Variants in ACVR1 observed in about 807,000 individuals in gnomAD.
ACVR1 encodes activin A receptor type 1, also known as activin receptor type-1.
In ACVR1, 38 loss-of-function variants were observed where a neutral mutation model predicts 57.1. The ratio of observed to expected loss-of-function variants is 0.67; its 90% CI spans 0.51 to 0.87. The LOEUF (loss-of-function observed/expected upper bound fraction) is 0.87. ACVR1 is among the 40% of genes least tolerant of loss of function. The pLI, the probability that ACVR1 is intolerant of heterozygous loss-of-function variation, is 0.00. For missense variants in ACVR1, 463 were observed against 638.2 expected (o/e 0.73, Z 2.96); for synonymous variants, 212 against 228.1 (o/e 0.93, Z 0.63).
chr2:157,797,820 C>T (rs1055336315), intron 3 of ACVR1, among the ~76,000 whole-genome samples: 2 of 152,060 alleles, frequency 1.3e-5, no homozygotes, highest in Non-Finnish European at 1.5e-5. Flanking sequence ...AAAATTCATG[C>T]GAGTATCTTA....
intron 1 of ACVR1, among the ~76,000 whole-genome samples, chr2:157,830,752 T>C (rs1306333972): frequency 2.3e-5 from 3 of 130,894 alleles, no homozygotes; most frequent in Non-Finnish European, 5.0e-5. Context: ...AAAAAAAAAA[T>C]GTAATTTTTT....
chr2:157,813,426 T>A (rs1300530136), intron 2 of ACVR1, among the ~76,000 whole-genome samples: 1 of 152,240 alleles, frequency 6.6e-6, no homozygotes. Context: ...TCCTTCTTCT[T>A]GGGTACAAGG....
chr2:157,795,736 AT>A (rs1265280969), intron 3 of ACVR1, among the ~76,000 whole-genome samples: 9 of 152,120 alleles, frequency 5.9e-5, no homozygotes, highest in Non-Finnish European at 7.4e-5. Flanking sequence ...TGAAAGCAGG[AT>A]TAAAAAAAAA....
chr2:157,820,754 T>C (rs1688134503), intron 1 of ACVR1, among the ~76,000 whole-genome samples: 1 of 152,148 alleles, frequency 6.6e-6, no homozygotes, highest in Admixed American at 6.5e-5. Flanking sequence ...TCCCCTGGTA[T>C]TTATATTCTA....
At chr2:157,860,927 G>C (rs970767520) in intron 1 of ACVR1, among the ~76,000 whole-genome samples, 1 of 152,178 alleles carries the variant, frequency 6.6e-6, no homozygotes, top group African/African-American at 2.4e-5. Flanking sequence ...AGGTAAGCCT[G>C]AGACTCTGTG....
intron 5 of ACVR1, 95 bp downstream of exon 5, chr2:157,778,036 T>A: frequency 7.8e-7 from 1 of 1,288,120 alleles, no homozygotes; most frequent in Non-Finnish European, 1.1e-6. Context: ...CACTGTTCAG[T>A]CACTCATTAC....
intron 2 of ACVR1, among the ~76,000 whole-genome samples, chr2:157,801,973 C>T (rs577689471): frequency 2.6e-5 from 4 of 152,196 alleles, no homozygotes; most frequent in South Asian, 4.1e-4. Flanking sequence ...TCCTTGCTAT[C>T]GTGGCACTTA....
At chr2:157,874,647 T>A (rs1473387069) in intron 1 of ACVR1, among the ~76,000 whole-genome samples, 1 of 152,160 alleles carries the variant, frequency 6.6e-6, no homozygotes, top group East Asian at 1.9e-4. Context: ...GGTGTCTATT[T>A]TTTGCCACCG....
intron 1 of ACVR1, among the ~76,000 whole-genome samples, chr2:157,870,931 C>T (rs960384472): frequency 1.3e-5 from 2 of 152,200 alleles, no homozygotes; most frequent in African/African-American, 4.8e-5. Flanking sequence ...TCAGCAATCT[C>T]CCTGGTTCCC....
chr2:157,836,884 A>G (rs1227903205), intron 1 of ACVR1, among the ~76,000 whole-genome samples: 1 of 152,214 alleles, frequency 6.6e-6, no homozygotes, highest in African/African-American at 2.4e-5. Flanking sequence ...AGAACACTCC[A>G]TCTCCTCTTC....
intron 2 of ACVR1, among the ~76,000 whole-genome samples, chr2:157,809,995 G>A (rs1420547399): frequency 7.9e-5 from 12 of 152,234 alleles, no homozygotes; most frequent in Non-Finnish European, 1.5e-4. Flanking sequence ...AAGATTACTT[G>A]AGCCCAGGAG....
rs1574031190 is a variant in ACVR1, at chr2:157,760,995, G to A, written c.1149C>T (p.Ala383=). Residue 383 remains alanine, a synonymous_variant, in exon 9 of 11, where the codon GCC becomes GCT. Coordinates refer to ENST00000434821, the MANE Select transcript of ACVR1 (RefSeq NM_001111067.4). ...GGATGGTTTCATCTAGAACTTCGGG[G>A]GCCATGTAGCGCTTGGTGCCCACAC... is the stretch of plus-strand genomic sequence containing the variant. ...NPRVGTKRYM[A]PEVLDETIQV... is the part of the protein sequence containing the mutation. The A allele has an allele frequency of 6.2e-7, 1 of 1,613,946 alleles. No individual in the cohort carries two copies. The highest frequency in any genetic ancestry group is 8.5e-7 in the Non-Finnish European group (1 of 1,180,014).
chr2:157,746,685 G>T (rs1332101021), intron 9 of ACVR1, among the ~76,000 whole-genome samples: 3 of 152,228 alleles, frequency 2.0e-5, no homozygotes, highest in Non-Finnish European at 4.4e-5. Flanking sequence ...TGGGCCCCGG[G>T]AATCTGTGTC....
intron 3 of ACVR1, among the ~76,000 whole-genome samples, chr2:157,796,052 C>A (rs1687105106): frequency 6.6e-6 from 1 of 151,458 alleles, no homozygotes; most frequent in Non-Finnish European, 1.5e-5. Flanking sequence ...AGTGAGACCC[C>A]AGCTCTACAA....
At chr2:157,828,034 GT>G (rs2105340800) in intron 1 of ACVR1, among the ~76,000 whole-genome samples, 1 of 152,270 alleles carries the variant, frequency 6.6e-6, no homozygotes, top group South Asian at 2.1e-4. Context: ...TAAAGGTGCT[GT>G]TTTTGGGCCA....
At chr2:157,812,377 G>C (rs146192886) in intron 2 of ACVR1, among the ~76,000 whole-genome samples, 8 of 152,004 alleles carry the variant, frequency 5.3e-5, no homozygotes, top group Non-Finnish European at 7.4e-5. Flanking sequence ...GAGATAATAC[G>C]AGACCAATCT....
At position 157,839,022 on chromosome 2, in the gene ACVR1, G is replaced by A. The variant is rs549239768; in HGVS notation, c.-182-20463C>T. On this transcript the variant is annotated intron_variant, in intron 1 of 10. Coordinates refer to ENST00000434821, the MANE Select transcript of ACVR1 (RefSeq NM_001111067.4). Reference sequence around the variant, plus strand: ...CCCCAGAAATGCTCATCACCCAGTAGAAGACAAAATCAGAACTGAACATCT... The same window carrying A: ...CCCCAGAAATGCTCATCACCCAGTAAAAGACAAAATCAGAACTGAACATCT... Among the ~76,000 whole-genome samples, 3 of 152,298 alleles carry A rather than the reference G, an allele frequency of 2.0e-5. No individual in the cohort carries two copies. The East Asian group carries it at 5.8e-4, about 29-fold the overall frequency.
intron 3 of ACVR1, among the ~76,000 whole-genome samples, chr2:157,791,527 C>T (rs1220616528): frequency 6.6e-6 from 1 of 152,222 alleles, no homozygotes; most frequent in Admixed American, 6.5e-5. Context: ...TGGCCTCTCA[C>T]GCTCTAGGGC....
intron 1 of ACVR1, among the ~76,000 whole-genome samples, chr2:157,849,844 C>A (rs1689236118): frequency 6.6e-6 from 1 of 152,232 alleles, no homozygotes. Flanking sequence ...ACCTTAACCT[C>A]CTACCCAGGT....
Sources: allele counts gnomAD v4.1 joint callset (sites outside exome capture counted in the v4.1 genomes callset), GRCh38; gene constraint gnomAD v4.1.1; transcripts MANE v1.5; gene names NCBI Gene and HGNC (gene_info 2026-07-23, HGNC 2026-07-21).